EYS: variants seen among roughly 807,000 people sequenced by gnomAD.
The protein encoded by EYS is EGF-like photoreceptor maintenance factor, also known as protein eyes shut homolog.
EYS carries 250 observed loss-of-function variants against 282.1 expected under a neutral mutation model. The observed-to-expected ratio is 0.89, with a 90% confidence interval of 0.80 to 0.98. The LOEUF is 0.98. Ranked by LOEUF, EYS falls within the 50% of genes least tolerant of loss-of-function variation. The pLI is 0.00. For missense variants in EYS, 4,016 were observed against 3,709.0 expected (o/e 1.08, Z -2.15); for synonymous variants, 1,355 against 1,282.9 (o/e 1.06, Z -1.20).
chr6:65,208,780 G>A (rs1433108408), intron 12 of EYS, among the ~76,000 whole-genome samples: 2 of 150,220 alleles, frequency 1.3e-5, no homozygotes, highest in Admixed American at 6.7e-5. Flanking sequence ...ATAGACACCA[G>A]TGATGCCCAA....
chr6:65,626,686 T>A (rs1766705389), intron 2 of EYS, among the ~76,000 whole-genome samples: 1 of 151,862 alleles, frequency 6.6e-6, no homozygotes, highest in Non-Finnish European at 1.5e-5. Flanking sequence ...AGGAATGGAG[T>A]AAAGAGGTCA....
intron 12 of EYS, among the ~76,000 whole-genome samples, chr6:65,208,541 G>A (rs947867839): frequency 7.9e-5 from 12 of 151,886 alleles, no homozygotes; most frequent in African/African-American, 2.7e-4. Flanking sequence ...GCAAAGTCAC[G>A]GAATCAAGCT....
chr6:64,527,299 T>C (rs1777954256), intron 26 of EYS, among the ~76,000 whole-genome samples: 1 of 151,624 alleles, frequency 6.6e-6, no homozygotes. Context: ...AATAGAAAAA[T>C]GGAAATGAGT....
intron 18 of EYS, among the ~76,000 whole-genome samples, chr6:64,898,107 C>G (rs1235361361): frequency 1.3e-5 from 2 of 152,038 alleles, no homozygotes; most frequent in Non-Finnish European, 2.9e-5. Context: ...ACAGAGAACA[C>G]CACAAAGATA....
intron 31 of EYS, among the ~76,000 whole-genome samples, chr6:64,121,499 A>G (rs1031802496): frequency 2.0e-5 from 3 of 152,248 alleles, no homozygotes; most frequent in Admixed American, 2.0e-4. Context: ...GCTGGGACTC[A>G]TAACCGTTAT....
intron 11 of EYS, among the ~76,000 whole-genome samples, chr6:65,310,675 T>A (rs1769133233): frequency 6.6e-6 from 1 of 152,196 alleles, no homozygotes; most frequent in Non-Finnish European, 1.5e-5. Context: ...CTTACTGTTC[T>A]ATGAGCAGCT....
At chr6:63,998,182 T>C (rs1767921230) in intron 34 of EYS, among the ~76,000 whole-genome samples, 1 of 152,176 alleles carries the variant, frequency 6.6e-6, no homozygotes, top group Non-Finnish European at 1.5e-5. Context: ...TATAAAATTC[T>C]GGTCAAATAA....
At chr6:64,078,512 A>G (rs1330760537) in intron 32 of EYS, among the ~76,000 whole-genome samples, 1 of 152,074 alleles carries the variant, frequency 6.6e-6, no homozygotes, top group African/African-American at 2.4e-5. Context: ...CCCAGGAAAC[A>G]TTCTGCTGAG....
chr6:63,878,000 C>G (rs559649581), intron 35 of EYS, among the ~76,000 whole-genome samples: 134 of 152,328 alleles, frequency 8.8e-4, no homozygotes, highest in African/African-American at 3.2e-3. Flanking sequence ...CTCCATCCAG[C>G]TTTGTTCTAT....
Position 65,625,464 on chromosome 6 carries a change from GCTTA to G in EYS, c.-333+14310_-333+14313del, listed in dbSNP as rs1307395790. Among the ~76,000 whole-genome samples, 7 of 152,244 alleles carry G rather than the reference GCTTA, an allele frequency of 4.6e-5. No individual in the cohort carries two copies. The East Asian group carries it at 1.2e-3, about 25-fold the overall frequency. ...TTACAAATTTATCCAGCTTTCATTTGCTTACTTTTAAATCTTTCCAATATGAACA... is the reference window on the plus strand; with the variant it reads ...TTACAAATTTATCCAGCTTTCATTTGCTTTTAAATCTTTCCAATATGAACA... On this transcript the variant is annotated intron_variant, in intron 2 of 42. Coordinates refer to ENST00000503581, the MANE Select transcript of EYS (RefSeq NM_001142800.2).
intron 35 of EYS, among the ~76,000 whole-genome samples, chr6:63,961,798 T>C (rs1470844777): frequency 6.6e-6 from 1 of 152,124 alleles, no homozygotes. Context: ...TGGGTATACA[T>C]TCCAACATAT....
intron 26 of EYS, among the ~76,000 whole-genome samples, chr6:64,518,860 T>C (rs558192956): frequency 6.1e-4 from 92 of 150,734 alleles, no homozygotes; most frequent in African/African-American, 2.1e-3. Flanking sequence ...CTTTTTGCCA[T>C]AATTGTAAGT....
chr6:64,470,673 A>G (rs1562013169), intron 26 of EYS, among the ~76,000 whole-genome samples: 1 of 152,220 alleles, frequency 6.6e-6, no homozygotes, highest in Non-Finnish European at 1.5e-5. Flanking sequence ...AAGGCATCCA[A>G]GGCTGCATAT....
chr6:64,174,356 C>T (rs570835066), intron 31 of EYS, among the ~76,000 whole-genome samples: 36 of 152,084 alleles, frequency 2.4e-4, no homozygotes, highest in Non-Finnish European at 4.4e-4. Context: ...TGCTCATTTG[C>T]TTGTTGAATA....
chr6:64,097,402 C>A (rs949562800), intron 31 of EYS, among the ~76,000 whole-genome samples: 5 of 152,162 alleles, frequency 3.3e-5, no homozygotes, highest in Non-Finnish European at 7.4e-5. Context: ...GGCCTCCACC[C>A]AGTTTGAGCT....
Position 64,277,461 on chromosome 6 carries a change from A to G in EYS, c.6191+29509T>C, listed in dbSNP as rs1334523536. On this transcript the variant is annotated intron_variant, in intron 30 of 42. Transcript: ENST00000503581. ...GATAAACCTAAACCTGTAAGATAAA[A>G]GCACAGAAAGAACTGAGATTTATAA... 2.0e-5 allele frequency among the ~76,000 whole-genome samples: 3 copies of G among 152,138 alleles called. No individual in the cohort carries two copies. In the South Asian group the frequency reaches 6.2e-4, roughly 31 times the overall value.
intron 32 of EYS, among the ~76,000 whole-genome samples, chr6:64,071,627 T>C (rs1462539443): frequency 6.7e-6 from 1 of 150,144 alleles, no homozygotes; most frequent in Non-Finnish European, 1.5e-5. Flanking sequence ...TAAAAACACA[T>C]GTCATTTAGC....
At chr6:65,536,318 G>C (rs1210856131) in intron 2 of EYS, among the ~76,000 whole-genome samples, 1 of 139,956 alleles carries the variant, frequency 7.1e-6, no homozygotes. Context: ...AGAAGGAGTA[G>C]CAGAGATTTT....
At chr6:63,889,452 G>C (rs1286885509) in intron 35 of EYS, among the ~76,000 whole-genome samples, 1 of 152,168 alleles carries the variant, frequency 6.6e-6, no homozygotes, top group Admixed American at 6.5e-5. Context: ...AACCAGAAGA[G>C]TGGGTGTCAA....
Sources: allele counts gnomAD v4.1 joint callset (sites outside exome capture counted in the v4.1 genomes callset), GRCh38; gene constraint gnomAD v4.1.1; transcripts MANE v1.5; gene names NCBI Gene and HGNC (gene_info 2026-07-23, HGNC 2026-07-21).